VEPH1: variants seen among roughly 807,000 people sequenced by gnomAD.
VEPH1 encodes ventricular zone-expressed PH domain-containing protein homolog 1.
A neutral mutation model predicts 85.2 loss-of-function variants in VEPH1; 80 were observed. The ratio of observed to expected loss-of-function variants is 0.94; its 90% CI spans 0.78 to 1.13. The LOEUF (loss-of-function observed/expected upper bound fraction) is 1.13, where lower values mean the gene tolerates loss of function less well. VEPH1 is among the 50% of genes most tolerant of loss of function. VEPH1 has a pLI of 0.00. For synonymous variants in VEPH1, 297 were observed against 348.0 expected, an observed-to-expected ratio of 0.85 and a Z score of 1.63; for missense variants, 955 against 980.5, an observed-to-expected ratio of 0.97 and a Z score of 0.35.
chr3:157,392,414 C>T (rs1729947227), intron 6 of VEPH1, among the ~76,000 whole-genome samples: 1 of 152,068 alleles, frequency 6.6e-6, no homozygotes, highest in South Asian at 2.1e-4. Flanking sequence ...AAAGATATGC[C>T]CCCATGATTC....
intron 5 of VEPH1, among the ~76,000 whole-genome samples, chr3:157,420,628 G>C (rs924877390): frequency 6.6e-6 from 1 of 152,166 alleles, no homozygotes; most frequent in Non-Finnish European, 1.5e-5. Context: ...TTCTGCAAAT[G>C]ACTTCTTATT....
At chr3:157,447,663 C>T (rs1331588407) in intron 4 of VEPH1, among the ~76,000 whole-genome samples, 2 of 148,498 alleles carry the variant, frequency 1.3e-5, no homozygotes, top group African/African-American at 2.5e-5. Flanking sequence ...GGCATGATCT[C>T]GGCTCACTGC....
At chr3:157,457,803 A>G (rs763084445) in intron 4 of VEPH1, among the ~76,000 whole-genome samples, 4 of 152,144 alleles carry the variant, frequency 2.6e-5, no homozygotes, top group Non-Finnish European at 4.4e-5. Context: ...ATCAGTGTTC[A>G]AGGATATTGC....
Position 157,460,250 on chromosome 3 carries a change from G to T in VEPH1, c.460C>A (p.Leu154Met). ...LCRNMSNYLS[L>M]AAITKADLLA... ...AGATCTGCCTTGGTAATTGCAGCCA[G>T]AGACAGGTAGTTAGACATATTCCTG... The change falls in exon 4 of 14, where the codon CTG becomes ATG. Residue 154 changes from leucine (L) to methionine (M), a missense_variant. Physicochemically the swap from Leu to Met is conservative, Grantham distance 15. Coordinates refer to ENST00000362010, the MANE Select transcript of VEPH1 (RefSeq NM_001167912.2). 6.2e-7 allele frequency: 1 copy of T among 1,614,178 alleles called. No individual in the cohort carries two copies. Among genetic ancestry groups the T allele is most frequent in the Non-Finnish European group, 8.5e-7 (1 of 1,180,028 alleles).
intron 12 of VEPH1, among the ~76,000 whole-genome samples, chr3:157,272,380 TTTCTTTC>T (rs1457331653): frequency 0.019 from 1,911 of 99,184 alleles, 51 homozygotes; most frequent in African/African-American, 0.047. Flanking sequence ...CTTTCTTTTC[TTTCTTTC>T]TTTCTTTCTT....
intron 9 of VEPH1, among the ~76,000 whole-genome samples, chr3:157,360,440 CT>C (rs1011285931): frequency 2.6e-5 from 4 of 151,078 alleles, no homozygotes; most frequent in African/African-American, 7.3e-5. Context: ...AGAAAGTATT[CT>C]TTTTTTTTAA....
Position 157,410,559 on chromosome 3 carries a change from T to C in VEPH1, c.906+3322A>G, listed in dbSNP as rs542357106. 1.7e-3 allele frequency among the ~76,000 whole-genome samples: 260 copies of C among 152,282 alleles called. 1 individual carries two copies. The highest frequency in any genetic ancestry group is 5.9e-3 in the African/African-American group (244 of 41,578). On this transcript the variant is annotated intron_variant, in intron 6 of 13. Coordinates refer to ENST00000362010, the MANE Select transcript of VEPH1 (RefSeq NM_001167912.2). Reference sequence around the variant, plus strand: ...GCTCCACAAGGTTTTATTTAGAAAGTTGGACAAATTTACTCAAATTACTCT... The same window carrying C: ...GCTCCACAAGGTTTTATTTAGAAAGCTGGACAAATTTACTCAAATTACTCT...
At chr3:157,288,503 T>A (rs572994721) in intron 11 of VEPH1, among the ~76,000 whole-genome samples, 11 of 48,418 alleles carry the variant, frequency 2.3e-4, no homozygotes, top group Admixed American at 7.6e-4. Context: ...AGAAACATAT[T>A]TTTTTTTTTC....
intron 7 of VEPH1, among the ~76,000 whole-genome samples, chr3:157,369,193 A>AAAACAAAAAAAAAAAAAAC (rs1727180152): frequency 1.4e-5 from 2 of 140,632 alleles, no homozygotes; most frequent in East Asian, 4.4e-4. Context: ...AAAAAAAAAA[A>AAAACAAAAAAAAAAAAAAC]AAAAAAAAAA....
intron 12 of VEPH1, among the ~76,000 whole-genome samples, chr3:157,283,794 G>C (rs751959465): frequency 6.6e-6 from 1 of 152,136 alleles, no homozygotes; most frequent in Admixed American, 6.6e-5. Flanking sequence ...ATATTGAAAC[G>C]TGAATACTTG....
In VEPH1 at chr3:157,265,666, T is replaced by C. The variant is rs1713541322; in HGVS notation, c.2129-4A>G. ...GGCTGGCCATCTTGATTTACAACTG[T>C]TGAAGGTAGCAGAATAATCATGCCA... On this transcript the variant is annotated splice_region_variant and splice_polypyrimidine_tract_variant and intron_variant, in intron 12 of 13. Coordinates refer to ENST00000362010, the MANE Select transcript of VEPH1 (RefSeq NM_001167912.2). 1.2e-6 allele frequency: 2 copies of C among 1,612,644 alleles called. No individual in the cohort carries two copies. Among genetic ancestry groups the C allele is most frequent in the Admixed American group, 1.7e-5 (1 of 59,826 alleles).
At chr3:157,288,333 C>T (rs1717044511) in intron 11 of VEPH1, among the ~76,000 whole-genome samples, 1 of 152,172 alleles carries the variant, frequency 6.6e-6, no homozygotes, top group Non-Finnish European at 1.5e-5. Flanking sequence ...TTAGAATTTT[C>T]AAGGCTGAGG....
intron 12 of VEPH1, among the ~76,000 whole-genome samples, chr3:157,279,776 G>A (rs1577223541): frequency 1.3e-5 from 2 of 152,130 alleles, no homozygotes; most frequent in African/African-American, 4.8e-5. Context: ...CCAGCACTTT[G>A]GGAGGCCGAG....
chr3:157,278,212 G>A (rs191052066), intron 12 of VEPH1, among the ~76,000 whole-genome samples: 227 of 152,226 alleles, frequency 1.5e-3, no homozygotes, highest in Non-Finnish European at 4.0e-4. Context: ...AGTATGCATC[G>A]GGGGGTTACA....
intron 4 of VEPH1, among the ~76,000 whole-genome samples, chr3:157,432,901 T>C (rs902982883): frequency 8.5e-5 from 13 of 152,198 alleles, no homozygotes; most frequent in Admixed American, 2.6e-4. Flanking sequence ...TCTGTCTATG[T>C]AGATCTTTTT....
At chr3:157,325,245 T>C (rs927162206) in intron 9 of VEPH1, among the ~76,000 whole-genome samples, 3 of 152,196 alleles carry the variant, frequency 2.0e-5, no homozygotes, top group Non-Finnish European at 2.9e-5. Context: ...ATTAGGTCTT[T>C]GTCAGATGGA....
At chr3:157,385,346 T>C (rs1231561825) in intron 6 of VEPH1, among the ~76,000 whole-genome samples, 1 of 152,114 alleles carries the variant, frequency 6.6e-6, no homozygotes, top group African/African-American at 2.4e-5. Context: ...ATATAAATAT[T>C]ATAAATACTC....
intron 6 of VEPH1, chr3:157,381,725 A>G (rs1324536082): frequency 4.9e-6 from 1 of 205,178 alleles, no homozygotes; most frequent in Non-Finnish European, 1.0e-5. Flanking sequence ...TCTCAGAAAA[A>G]AAAAATTAAT....
intron 5 of VEPH1, among the ~76,000 whole-genome samples, chr3:157,416,533 C>T (rs1731925274): frequency 6.6e-6 from 1 of 152,136 alleles, no homozygotes; most frequent in Non-Finnish European, 1.5e-5. Context: ...ACATACTTAA[C>T]CTCATGTTTT....
Sources: gnomAD v4.1 joint callset for allele counts (sites outside exome capture counted in the v4.1 genomes callset) on GRCh38, gnomAD v4.1.1 for gene constraint, MANE v1.5 for transcripts, NCBI Gene and HGNC (gene_info 2026-07-23, HGNC 2026-07-21) for gene names.